The following NUP210 variants were observed in gnomAD, a reference collection of about 807,000 sequenced individuals.
The protein encoded by NUP210 is nucleoporin 210.
In NUP210, 151 loss-of-function variants were observed where a neutral mutation model predicts 196.0. That is an observed-to-expected ratio of 0.77 (90% CI 0.67 to 0.88). The LOEUF is 0.88. Ranked by LOEUF, NUP210 falls within the 40% of genes least tolerant of loss-of-function variation. The pLI, the probability that NUP210 is intolerant of heterozygous loss-of-function variation, is 0.00. For missense variants in NUP210, 2,314 were observed against 2,493.7 expected, an observed-to-expected ratio of 0.93 and a Z score of 1.53; for synonymous variants, 1,070 against 1,052.7, an observed-to-expected ratio of 1.02 and a Z score of -0.32.
At chr3:13,343,342 G>GGGGC in intron 20 of NUP210, 39 bp from the exon 21 acceptor site, 17 of 655,984 alleles carry the variant, frequency 2.6e-5, no homozygotes, top group East Asian at 4.4e-5. Flanking sequence ...TGGGTGGTGG[G>GGGGC]TTACGCAGCT....
intron 15 of NUP210, 150 bp downstream of exon 15, chr3:13,360,120 C>T (rs1301838020): frequency 4.4e-6 from 3 of 682,110 alleles, no homozygotes; most frequent in Non-Finnish European, 7.4e-6. Context: ...TTCCACCTCA[C>T]CACGCCTCAG....
At chr3:13,327,758 G>A (rs571857313) in intron 31 of NUP210, among the ~76,000 whole-genome samples, 39 of 152,360 alleles carry the variant, frequency 2.6e-4, no homozygotes, top group Middle Eastern at 3.4e-3. Flanking sequence ...GCTTCCTCAC[G>A]CTCTTCCCAC....
At chr3:13,357,313 A>G (rs1203850503) in intron 16 of NUP210, among the ~76,000 whole-genome samples, 1 of 151,674 alleles carries the variant, frequency 6.6e-6, no homozygotes, top group Non-Finnish European at 1.5e-5. Context: ...TCAGAGCCCC[A>G]CTCCGCTCCT....
At chr3:13,342,159 C>A in intron 21 of NUP210, 36 bp from the exon 22 acceptor site, 1 of 1,612,162 alleles carries the variant, frequency 6.2e-7, no homozygotes, top group South Asian at 1.1e-5. Flanking sequence ...GGGCAGCCTC[C>A]AAAAGACCAA....
intron 1 of NUP210, among the ~76,000 whole-genome samples, chr3:13,405,511 G>GATAT (rs146981659): frequency 1.3e-5 from 2 of 151,178 alleles, no homozygotes; most frequent in African/African-American, 4.9e-5. Flanking sequence ...GTGTGTATAA[G>GATAT]ATATATATAT....
chr3:13,383,516 CTTT>C (rs3032854), intron 6 of NUP210, among the ~76,000 whole-genome samples: 234 of 70,924 alleles, frequency 3.3e-3, no homozygotes, highest in Admixed American at 4.6e-3. Flanking sequence ...AGAGTGAGCT[CTTT>C]TTTTTTTTTT....
In NUP210 at chr3:13,383,516, CTTTTTTTTTTT is replaced by C. The variant is rs3032854; in HGVS notation, c.817+2748_817+2758del. ...TACCTGAGCTAATTTAGAGTGAGCT[CTTTTTTTTTTT>C]TTTTTTTTTTTTTGAGACAGAGTCT... is the stretch of plus-strand genomic sequence containing the variant. On this transcript the variant is annotated intron_variant, in intron 6 of 39. Coordinates refer to ENST00000254508, the MANE Select transcript of NUP210 (RefSeq NM_024923.4). Among the ~76,000 whole-genome samples, 11 of 70,940 alleles carry C rather than the reference CTTTTTTTTTTT, an allele frequency of 1.6e-4. No individual in the cohort carries two copies. In the Admixed American group the frequency reaches 1.7e-3, roughly 11 times the overall value. The allele number at this position is 70,940 out of a possible 152,430, so 46.5% of individuals were successfully genotyped here. A position where few individuals can be genotyped will look rare whatever the true frequency, so the allele number is the denominator to read the frequency against.
chr3:13,328,971 T>G, intron 30 of NUP210, 25 bp from the exon 31 acceptor site: 1 of 1,606,734 alleles, frequency 6.2e-7, no homozygotes, highest in Non-Finnish European at 8.5e-7. Flanking sequence ...ACAGGTATGA[T>G]GAGGATTCAG....
intron 19 of NUP210, 31 bp from the exon 20 acceptor site, chr3:13,352,011 C>A (rs372764059): frequency 7.0e-5 from 112 of 1,606,570 alleles, no homozygotes; most frequent in Non-Finnish European, 8.9e-5. Flanking sequence ...GAGGGTTGGG[C>A]CGCATGTGGG....
At chr3:13,398,941 C>T (rs766222343) in intron 2 of NUP210, among the ~76,000 whole-genome samples, 49 of 151,806 alleles carry the variant, frequency 3.2e-4, no homozygotes, top group Middle Eastern at 6.8e-3. Flanking sequence ...CTCAAAACAG[C>T]AACATAAAAA....
intron 27 of NUP210, among the ~76,000 whole-genome samples, chr3:13,336,490 A>G (rs765607756): frequency 6.6e-6 from 1 of 152,210 alleles, no homozygotes; most frequent in Non-Finnish European, 1.5e-5. Flanking sequence ...GAGGGCTGCC[A>G]GGCATCATCT....
In NUP210 at chr3:13,373,777, C is replaced by T. The variant is rs1698807654; in HGVS notation, c.1528G>A (p.Gly510Arg). 1.2e-6 allele frequency: 2 copies of T among 1,614,172 alleles called. No individual in the cohort carries two copies. The highest frequency in any genetic ancestry group is 1.7e-6 in the Non-Finnish European group (2 of 1,180,022). Residue 510 changes from glycine to arginine, a missense_variant, in exon 12 of 40, where the codon GGG becomes AGG. Transcript: ENST00000254508. Reference protein sequence around the residue: ...KGVMTTGSDIGFSVIQAHDVQ... With the variant: ...KGVMTTGSDIRFSVIQAHDVQ... ...TCATGTGCCTGGATCACACTGAACC[C>T]GATGTCACTGCCTGTGGTCATCACG...
intron 1 of NUP210, among the ~76,000 whole-genome samples, chr3:13,417,013 G>A (rs562065497): frequency 6.6e-6 from 1 of 152,280 alleles, no homozygotes; most frequent in South Asian, 2.1e-4. Context: ...ATACTTTATG[G>A]AACACTTTCA....
At chr3:13,385,266 T>C (rs1484557457) in intron 6 of NUP210, among the ~76,000 whole-genome samples, 3 of 152,210 alleles carry the variant, frequency 2.0e-5, no homozygotes, top group Admixed American at 6.5e-5. Flanking sequence ...GCCTGCCTCT[T>C]AAGTGACACC....
In NUP210 at chr3:13,349,888, A is replaced by G. The variant is rs1485350601; in HGVS notation, c.2835+1991T>C. ...ACAAACGGAAAAAGAGAGAGGTAGGAAGAGCTCTCCTGGGGTCAGAACAAA... is the reference window on the plus strand; with the variant it reads ...ACAAACGGAAAAAGAGAGAGGTAGGGAGAGCTCTCCTGGGGTCAGAACAAA... On this transcript the variant is annotated intron_variant, in intron 20 of 39. Coordinates refer to ENST00000254508, the MANE Select transcript of NUP210 (RefSeq NM_024923.4). Among the ~76,000 whole-genome samples the G allele has an allele frequency of 2.0e-5, 3 of 152,190 alleles. No individual in the cohort carries two copies. The East Asian group carries it at 5.8e-4, about 29-fold the overall frequency.
At position 13,389,739 on chromosome 3, in the gene NUP210, G is replaced by C. The variant is rs1166269589; in HGVS notation, c.534-1286C>G. On this transcript the variant is annotated intron_variant, in intron 4 of 39. Coordinates refer to ENST00000254508, the MANE Select transcript of NUP210 (RefSeq NM_024923.4). ...CCAACATCCCCTACAGCCCAGAGCAGGACTTTAATGGCATAATGAAAGACC... is the reference window on the plus strand; with the variant it reads ...CCAACATCCCCTACAGCCCAGAGCACGACTTTAATGGCATAATGAAAGACC... Among the ~76,000 whole-genome samples, 5 of 152,274 alleles carry C rather than the reference G, an allele frequency of 3.3e-5. No individual in the cohort carries two copies. The South Asian group carries it at 6.2e-4, about 19-fold the overall frequency.
Position 13,317,583 on chromosome 3 carries a change from TG to T in NUP210, c.*97del. ...CTGGCCTGGGGCCGGGGCACTCATC[TG>T]GAGGGGCTTGTTCCAGTGTGAATGC... On this transcript the variant is annotated 3_prime_UTR_variant, in exon 40 of 40. Transcript: ENST00000254508. The T allele has an allele frequency of 1.1e-6, 1 of 916,896 alleles. No individual in the cohort carries two copies. The highest frequency in any genetic ancestry group is 1.7e-6 in the Non-Finnish European group (1 of 578,008). 56.8% of individuals were successfully genotyped at this position (916,896 alleles called of 1,614,324 possible). A position where few individuals can be genotyped will look rare whatever the true frequency, so the allele number is the denominator to read the frequency against.
At chr3:13,330,729 A>G in intron 29 of NUP210, 95 bp from the exon 30 acceptor site, 2 of 1,251,020 alleles carry the variant, frequency 1.6e-6, no homozygotes, top group South Asian at 1.5e-5. Flanking sequence ...GTGGCTCCTC[A>G]TGCTCCTGGG....
chr3:13,358,173 C>T (rs374573941), intron 16 of NUP210, 49 bp downstream of exon 16: 3 of 1,542,738 alleles, frequency 1.9e-6, no homozygotes, highest in Non-Finnish European at 2.6e-6. Context: ...TGTCCTCCTG[C>T]CCAAGCGGGT....
Sources: gnomAD v4.1 joint callset for allele counts (sites outside exome capture counted in the v4.1 genomes callset) on GRCh38, gnomAD v4.1.1 for gene constraint, MANE v1.5 for transcripts, NCBI Gene and HGNC (gene_info 2026-07-23, HGNC 2026-07-21) for gene names.